The following SLC15A5 variants were observed in gnomAD, a reference collection of about 807,000 sequenced individuals.
SLC15A5 encodes Peptide/histidine transporter ENSP00000340402.
SLC15A5 carries 58 observed loss-of-function variants against 56.1 expected under a neutral mutation model. That is an observed-to-expected ratio of 1.03 (90% CI 0.84 to 1.29). The LOEUF (loss-of-function observed/expected upper bound fraction) is 1.29. Among genes scored for constraint, SLC15A5 ranks in the 50% most tolerant of loss-of-function variants. SLC15A5 has a pLI of 0.00. For synonymous variants in SLC15A5, 264 were observed against 250.5 expected, an observed-to-expected ratio of 1.05 and a Z score of -0.51; for missense variants, 681 against 672.1, an observed-to-expected ratio of 1.01 and a Z score of -0.15.
rs117008450 is a variant in SLC15A5 at position 16,272,613 on chromosome 12, C to G, written c.532G>C (p.Ala178Pro). 6.5e-7 allele frequency: 1 copy of G among 1,536,980 alleles called. No individual in the cohort carries two copies. Among genetic ancestry groups the G allele is most frequent in the African/African-American group, 1.4e-5 (1 of 73,146 alleles). The change falls in exon 2 of 9, where the codon GCT becomes CCT. Residue 178 changes from alanine (A) to proline (P), a missense_variant. Physicochemically the swap from Ala to Pro is conservative, Grantham distance 27 (BLOSUM62 -1). Coordinates refer to ENST00000344941, the MANE Select transcript of SLC15A5 (RefSeq NM_001170798.1). ...GVRAIVCPLG[A>P]FGLQEYGSQK... ...GATCCATACTCCTGAAGGCCAAAAG[C>G]ACCCAGTGGACAGACGATGGCTCTT...
intron 7 of SLC15A5, among the ~76,000 whole-genome samples, chr12:16,202,899 A>C (rs140647143): frequency 6.6e-6 from 1 of 152,102 alleles, no homozygotes; most frequent in African/African-American, 2.4e-5. Flanking sequence ...TTATATGTGG[A>C]ATGTAGGAAA....
intron 2 of SLC15A5, among the ~76,000 whole-genome samples, chr12:16,263,467 G>T (rs1185050898): frequency 2.6e-5 from 4 of 152,162 alleles, no homozygotes; most frequent in African/African-American, 4.8e-5. Flanking sequence ...TGGAAAATTT[G>T]CAGCCTGACA....
At chr12:16,214,825 CTG>C (rs1450798540) in intron 7 of SLC15A5, among the ~76,000 whole-genome samples, 1 of 152,088 alleles carries the variant, frequency 6.6e-6, no homozygotes, top group Non-Finnish European at 1.5e-5. Context: ...CTGAGGGAGT[CTG>C]TGGGGATCCC....
At chr12:16,218,976 G>A (rs142505561) in intron 6 of SLC15A5, among the ~76,000 whole-genome samples, 1 of 152,046 alleles carries the variant, frequency 6.6e-6, no homozygotes, top group African/African-American at 2.4e-5. Context: ...TAAAATTTCT[G>A]TTTTACTTTC....
At chr12:16,259,023 C>CTT (rs1864610919) in intron 2 of SLC15A5, among the ~76,000 whole-genome samples, 18 of 48,246 alleles carry the variant, frequency 3.7e-4, no homozygotes, top group East Asian at 1.8e-3. Flanking sequence ...TTCTTTCTTT[C>CTT]CTTTTTTTTT....
chr12:16,229,635 A>AAC (rs1163652551), intron 5 of SLC15A5, among the ~76,000 whole-genome samples: 6 of 99,112 alleles, frequency 6.1e-5, no homozygotes, highest in African/African-American at 1.2e-4. Flanking sequence ...CAAAGTAAGC[A>AAC]ACACACACAC....
intron 6 of SLC15A5, among the ~76,000 whole-genome samples, chr12:16,219,328 C>A (rs2136247379): frequency 6.6e-6 from 1 of 152,148 alleles, no homozygotes; most frequent in African/African-American, 2.4e-5. Context: ...TCAGAAAGGT[C>A]CAAATGGGAA....
intron 6 of SLC15A5, among the ~76,000 whole-genome samples, chr12:16,219,143 A>G (rs898202060): frequency 6.6e-6 from 1 of 152,168 alleles, no homozygotes; most frequent in African/African-American, 2.4e-5. Context: ...GAAACAGCAC[A>G]TTATTTAGTA....
chr12:16,209,672 C>T (rs1188899710), intron 7 of SLC15A5, among the ~76,000 whole-genome samples: 2 of 152,128 alleles, frequency 1.3e-5, no homozygotes, highest in African/African-American at 4.8e-5. Context: ...GGAATGCTTT[C>T]CTGACACTAC....
chr12:16,239,726 G>A lies in SLC15A5; in HGVS notation c.1117C>T (p.Leu373=), dbSNP rs1048009734. 1 of 1,537,390 alleles carries A rather than the reference G, an allele frequency of 6.5e-7. No individual in the cohort carries two copies. Among genetic ancestry groups the A allele is most frequent in the East Asian group, 2.4e-5 (1 of 40,918 alleles). The change falls in exon 5 of 9, where the codon CTG becomes TTG. Residue 373 remains leucine (L), a synonymous_variant. Coordinates refer to ENST00000344941, the MANE Select transcript of SLC15A5 (RefSeq NM_001170798.1). ...GATCCAACTCTCTTAGAGGGAAACA[G>A]GCAGGTGCTGAAATACTCCAGAAAA... The part of the protein sequence containing the change: ...APFLEYFSTC[L]FPSKRVGSFL...
intron 1 of SLC15A5, among the ~76,000 whole-genome samples, chr12:16,273,558 C>T (rs980989469): frequency 1.3e-5 from 2 of 152,070 alleles, no homozygotes; most frequent in African/African-American, 4.8e-5. Context: ...CAAGCATGCT[C>T]ATGGACTATA....
At chr12:16,256,758 C>CT (rs1864577495) in intron 3 of SLC15A5, among the ~76,000 whole-genome samples, 1 of 151,762 alleles carries the variant, frequency 6.6e-6, no homozygotes, top group South Asian at 2.1e-4. Context: ...ACTCGGGAGG[C>CT]TGAGGCAGGT....
chr12:16,252,895 A>G (rs751284977), intron 3 of SLC15A5, among the ~76,000 whole-genome samples: 18 of 152,156 alleles, frequency 1.2e-4, no homozygotes, highest in Admixed American at 2.6e-4. Context: ...AAAACATACT[A>G]CAAAGTAACA....
intron 2 of SLC15A5, among the ~76,000 whole-genome samples, chr12:16,264,116 C>G (rs1864669337): frequency 6.6e-6 from 1 of 152,192 alleles, no homozygotes; most frequent in Admixed American, 6.5e-5. Flanking sequence ...GGAAAAGCAG[C>G]AGACACTGGA....
In SLC15A5 at chr12:16,189,599, T is replaced by A. The variant is rs1863820738; in HGVS notation, c.*69A>T. ...ATATTGGCTTTTACACTAAAACACATAAAATGCTCAACTGAAGAAGAAAAC... is the reference window on the plus strand; with the variant it reads ...ATATTGGCTTTTACACTAAAACACAAAAAATGCTCAACTGAAGAAGAAAAC... On this transcript the variant is annotated 3_prime_UTR_variant, in exon 9 of 9. Coordinates refer to ENST00000344941, the MANE Select transcript of SLC15A5 (RefSeq NM_001170798.1). 1 of 1,317,134 alleles carries A rather than the reference T, an allele frequency of 7.6e-7. No homozygotes were observed. The highest frequency in any genetic ancestry group is 1.5e-5 in the African/African-American group (1 of 67,574). 81.6% of individuals were successfully genotyped at this position (1,317,134 alleles called of 1,614,324 possible).
intron 3 of SLC15A5, among the ~76,000 whole-genome samples, chr12:16,249,688 A>T (rs1864500829): frequency 6.6e-6 from 1 of 152,072 alleles, no homozygotes; most frequent in African/African-American, 2.4e-5. Flanking sequence ...GTATTTCTTG[A>T]TTCAGATGAA....
chr12:16,202,226 T>C (rs2136240285), intron 7 of SLC15A5, among the ~76,000 whole-genome samples: 1 of 152,190 alleles, frequency 6.6e-6, no homozygotes, highest in South Asian at 2.1e-4. Flanking sequence ...ATCCAAAACA[T>C]GTAAGGAATT....
In SLC15A5 at chr12:16,217,124, C is replaced by G. The variant is rs569300965; in HGVS notation, c.1352-100G>C. The G allele has an allele frequency of 2.1e-4, 274 of 1,275,418 alleles. 8 individuals are homozygous for G. The South Asian group carries it at 4.4e-3, about 21-fold the overall frequency. 79.0% of individuals were successfully genotyped at this position (1,275,418 alleles called of 1,614,324 possible). A position where few individuals can be genotyped will look rare whatever the true frequency, so the allele number is the denominator to read the frequency against. Reference sequence around the variant, plus strand: ...TTGATCATGTATCAAAGAAAATTTACTGATACAATAAAAATTTGGGTTGGA... The same window carrying G: ...TTGATCATGTATCAAAGAAAATTTAGTGATACAATAAAAATTTGGGTTGGA... On this transcript the variant is annotated intron_variant, in intron 6 of 8. Transcript: ENST00000344941.
chr12:16,271,421 C>T lies in SLC15A5; in HGVS notation c.584+1140G>A, dbSNP rs1016335493. Among the ~76,000 whole-genome samples, 1 of 152,106 alleles carries T rather than the reference C, an allele frequency of 6.6e-6. No individual in the cohort carries two copies. Among genetic ancestry groups the T allele is most frequent in the Non-Finnish European group, 1.5e-5 (1 of 68,014 alleles). ...TAAAAAAGAAGGATTTTTCTTTCTCCTTTGGGCAGGTCAAGGAGGCAGAAT... is the reference window on the plus strand; with the variant it reads ...TAAAAAAGAAGGATTTTTCTTTCTCTTTTGGGCAGGTCAAGGAGGCAGAAT... On this transcript the variant is annotated intron_variant, in intron 2 of 8. Transcript: ENST00000344941. The surrounding 1 kb of genome is among the most constrained non-coding windows in gnomAD (Gnocchi z 8.0).
Sources: allele counts gnomAD v4.1 joint callset (sites outside exome capture counted in the v4.1 genomes callset), GRCh38; gene constraint gnomAD v4.1.1; non-coding constraint Gnocchi (gnomAD v3.1); transcripts MANE v1.5; gene names NCBI Gene and HGNC (gene_info 2026-07-23, HGNC 2026-07-21).